SLC28A3: variants seen among roughly 807,000 people sequenced by gnomAD.
SLC28A3 encodes solute carrier family 28 member 3.
In SLC28A3, 68 loss-of-function variants were observed where a neutral mutation model predicts 84.2. The ratio of observed to expected loss-of-function variants is 0.81; its 90% CI spans 0.66 to 0.99. The LOEUF is 0.99. Ranked by LOEUF, SLC28A3 falls within the 50% of genes least tolerant of loss-of-function variation. SLC28A3 has a pLI of 0.00. For missense variants in SLC28A3, 712 were observed against 841.5 expected (o/e 0.85, Z 1.90); for synonymous variants, 267 against 303.6 (o/e 0.88, Z 1.25).
At position 84,278,399 on chromosome 9, in the gene SLC28A3, G is replaced by A. The variant is rs1381558757; in HGVS notation, c.1950-55C>T. On this transcript the variant is annotated intron_variant, in intron 17 of 17. Coordinates refer to ENST00000376238, the MANE Select transcript of SLC28A3 (RefSeq NM_001199633.2). ...TGAGCCATAGATGGCAGAAACAGTAGGTGAGCAGACAATGACATTAAAAAT... is the reference window on the plus strand; with the variant it reads ...TGAGCCATAGATGGCAGAAACAGTAAGTGAGCAGACAATGACATTAAAAAT... The A allele has an allele frequency of 4.4e-6, 7 of 1,605,856 alleles. No individual in the cohort carries two copies. The East Asian group carries it at 8.9e-5, about 20-fold the overall frequency.
chr9:84,363,101 T>C, the SLC28A3 span, among the ~76,000 whole-genome samples: 1 of 152,226 alleles, frequency 6.6e-6, no homozygotes, highest in Non-Finnish European at 1.5e-5. Flanking sequence ...TTAGTGAAGA[T>C]AGAATATTTT....
chr9:84,317,882 T>C (rs1219251013), intron 1 of SLC28A3, among the ~76,000 whole-genome samples: 1 of 152,216 alleles, frequency 6.6e-6, no homozygotes, highest in Non-Finnish European at 1.5e-5. Flanking sequence ...GAAATTAGAC[T>C]TATCAAAATC....
intron 11 of SLC28A3, among the ~76,000 whole-genome samples, chr9:84,289,527 A>G (rs994119774): frequency 3.3e-5 from 5 of 152,248 alleles, no homozygotes; most frequent in African/African-American, 4.8e-5. Flanking sequence ...GCTGGGTCTC[A>G]TCCCAAGGAA....
chr9:84,336,403 C>T (rs924312681), intron 1 of SLC28A3, among the ~76,000 whole-genome samples: 6 of 152,280 alleles, frequency 3.9e-5, no homozygotes, highest in African/African-American at 9.6e-5. Flanking sequence ...ACTCAGGAGG[C>T]TGAGACAGGA....
intron 7 of SLC28A3, among the ~76,000 whole-genome samples, chr9:84,297,510 A>C (rs1392721171): frequency 6.6e-6 from 1 of 152,222 alleles, no homozygotes; most frequent in Non-Finnish European, 1.5e-5. Flanking sequence ...CATTTCTGAC[A>C]TTCAGTCTGA....
At chr9:84,288,014 G>GT in intron 12 of SLC28A3, 34 bp downstream of exon 12, 1 of 1,612,814 alleles carries the variant, frequency 6.2e-7, no homozygotes, top group Non-Finnish European at 8.5e-7. Flanking sequence ...CCCGGCTTGG[G>GT]TAGTCATTAA....
At chr9:84,301,644 G>A (rs1243770852) in intron 5 of SLC28A3, among the ~76,000 whole-genome samples, 5 of 152,138 alleles carry the variant, frequency 3.3e-5, no homozygotes, top group Non-Finnish European at 7.3e-5. Context: ...AAAAATAAAA[G>A]CTCTTTACAG....
At chr9:84,313,182 CTTTG>C (rs374559467) in intron 2 of SLC28A3, among the ~76,000 whole-genome samples, 173 bp downstream of exon 2, 4 of 152,220 alleles carry the variant, frequency 2.6e-5, no homozygotes, top group African/African-American at 7.2e-5. Flanking sequence ...AACAAAATCT[CTTTG>C]TTTGGGCGTG....
chr9:84,309,471 C>T (rs372748323), intron 3 of SLC28A3, among the ~76,000 whole-genome samples, 158 bp downstream of exon 3: 2 of 133,862 alleles, frequency 1.5e-5, no homozygotes, highest in South Asian at 2.3e-4. Flanking sequence ...TGCAATGAGC[C>T]GAGATCACAT....
chr9:84,344,597 T>C (rs1827220950), upstream of SLC28A3, among the ~76,000 whole-genome samples: 1 of 152,196 alleles, frequency 6.6e-6, no homozygotes, highest in African/African-American at 2.4e-5. Context: ...AAAACATGTT[T>C]CTTTGACATA....
intron 1 of SLC28A3, among the ~76,000 whole-genome samples, chr9:84,320,052 T>G (rs1007774025): frequency 7.6e-6 from 1 of 131,054 alleles, no homozygotes; most frequent in Non-Finnish European, 1.6e-5. Flanking sequence ...TTTTTTTTTT[T>G]TTTTTTTTTT....
chr9:84,355,562 G>T, the SLC28A3 span, among the ~76,000 whole-genome samples: 9 of 152,094 alleles, frequency 5.9e-5, no homozygotes, highest in East Asian at 1.9e-4. Flanking sequence ...TTTCGGTTTG[G>T]TCTATATATA....
chr9:84,350,703 A>T, the SLC28A3 span, among the ~76,000 whole-genome samples: 1 of 152,104 alleles, frequency 6.6e-6, no homozygotes, highest in Admixed American at 6.6e-5. Flanking sequence ...ATAAGAAATT[A>T]ATCTTAGCTC....
intron 11 of SLC28A3, among the ~76,000 whole-genome samples, chr9:84,288,724 T>C (rs1011165024): frequency 3.3e-5 from 5 of 152,104 alleles, no homozygotes; most frequent in Non-Finnish European, 7.4e-5. Context: ...TTTGTATCTT[T>C]TAGTAGAGAT....
At chr9:84,314,604 AG>A (rs141623899) in intron 1 of SLC28A3, among the ~76,000 whole-genome samples, 29,572 of 152,186 alleles carry the variant, frequency 0.19, 2,915 homozygotes, top group African/African-American at 0.24. Context: ...ATGAAAAAAA[AG>A]TTACAGTACA....
At chr9:84,323,591 A>G (rs1005868700) in intron 1 of SLC28A3, among the ~76,000 whole-genome samples, 14 of 151,804 alleles carry the variant, frequency 9.2e-5, no homozygotes, top group Admixed American at 7.9e-4. Flanking sequence ...TGCCCGGCTA[A>G]TTTTTGTATT....
chr9:84,356,886 T>C, the SLC28A3 span, among the ~76,000 whole-genome samples: 1 of 151,850 alleles, frequency 6.6e-6, no homozygotes, highest in African/African-American at 2.4e-5. Context: ...AAAATGAAAC[T>C]GAGACCCGCC....
In SLC28A3 at chr9:84,332,884, G is replaced by A. The variant is rs1221116634; in HGVS notation, c.60+7690C>T. 2.0e-5 allele frequency among the ~76,000 whole-genome samples: 3 copies of A among 152,250 alleles called. No homozygotes were observed. In the Middle Eastern group the frequency reaches 0.01, roughly 518 times the overall value. On this transcript the variant is annotated intron_variant, in intron 1 of 17. Transcript: ENST00000376238. ...CAATATAATTAACTTTTGTTCCTCAGAATATTCCATTAGAGTAAAAGATGG... is the reference window on the plus strand; with the variant it reads ...CAATATAATTAACTTTTGTTCCTCAAAATATTCCATTAGAGTAAAAGATGG...
chr9:84,348,336 G>A, the SLC28A3 span, among the ~76,000 whole-genome samples: 7,930 of 135,900 alleles, frequency 0.058, 448 homozygotes, highest in East Asian at 0.18. Flanking sequence ...CCTGAGTGAC[G>A]GAGCAAGACT....
Sources: gnomAD v4.1 joint callset for allele counts (sites outside exome capture counted in the v4.1 genomes callset) on GRCh38, gnomAD v4.1.1 for gene constraint, MANE v1.5 for transcripts, NCBI Gene and HGNC (gene_info 2026-07-23, HGNC 2026-07-21) for gene names.